Variants in FSTL5 observed in about 807,000 individuals in gnomAD.
The protein encoded by FSTL5 is follistatin like 5.
FSTL5 carries 62 observed loss-of-function variants against 89.1 expected under a neutral mutation model. The ratio of observed to expected loss-of-function variants is 0.70; its 90% CI spans 0.57 to 0.86. The LOEUF (loss-of-function observed/expected upper bound fraction) is 0.86. Ranked by LOEUF, FSTL5 falls within the 40% of genes least tolerant of loss-of-function variation. The probability of loss-of-function intolerance (pLI) is 0.00; values close to 1 mark genes in which losing one functional copy is unlikely to be tolerated. For synonymous variants in FSTL5, 383 were observed against 346.2 expected (o/e 1.11, Z -1.18); for missense variants, 1,057 against 1,001.6 (o/e 1.06, Z -0.75).
chr4:161,492,451 A>G (rs1729914314), intron 12 of FSTL5, among the ~76,000 whole-genome samples: 1 of 152,180 alleles, frequency 6.6e-6, no homozygotes, highest in Non-Finnish European at 1.5e-5. Flanking sequence ...CTTTTAGTAT[A>G]ACTTTCTGTT....
At chr4:161,897,156 T>A (rs1190917540) in intron 4 of FSTL5, among the ~76,000 whole-genome samples, 1 of 151,680 alleles carries the variant, frequency 6.6e-6, no homozygotes, top group Non-Finnish European at 1.5e-5. Context: ...ATATTCAAAA[T>A]TAAACTAGAT....
chr4:161,745,661 A>G (rs993903287), intron 6 of FSTL5, among the ~76,000 whole-genome samples: 1 of 152,002 alleles, frequency 6.6e-6, no homozygotes, highest in African/African-American at 2.4e-5. Context: ...GTGTCAAACT[A>G]TAAGTAAAAA....
intron 5 of FSTL5, among the ~76,000 whole-genome samples, chr4:161,775,464 T>C (rs1025559489): frequency 1.3e-5 from 2 of 152,186 alleles, no homozygotes; most frequent in Admixed American, 6.5e-5. Context: ...AAATCATTTA[T>C]ATACACTTTG....
At position 161,524,957 on chromosome 4, in the gene FSTL5, C is replaced by CA. The variant is rs1189535742; in HGVS notation, c.1312+13208dup. On this transcript the variant is annotated intron_variant, in intron 10 of 15. Transcript: ENST00000306100. ...TGGGCAACAGAGCAAGACTCCATCT[C>CA]AAAAAAAAAAAAAAAGTTTCCTGGA... Among the ~76,000 whole-genome samples the CA allele has an allele frequency of 9.6e-3, 1,120 of 116,432 alleles. 6 individuals carry two copies. The highest frequency in any genetic ancestry group is 0.014 in the Middle Eastern group (3 of 208). The allele number at this position is 116,432 out of a possible 152,430, so 76.4% of individuals were successfully genotyped here. A position where few individuals can be genotyped will look rare whatever the true frequency, so the allele number is the denominator to read the frequency against.
At chr4:161,770,184 T>C (rs778599521) in intron 5 of FSTL5, among the ~76,000 whole-genome samples, 14 of 152,000 alleles carry the variant, frequency 9.2e-5, no homozygotes, top group Non-Finnish European at 2.1e-4. Context: ...CTTACAGCGA[T>C]AGAGCATAGA....
intron 15 of FSTL5, among the ~76,000 whole-genome samples, chr4:161,406,337 T>G (rs901720119): frequency 6.6e-6 from 1 of 152,184 alleles, no homozygotes; most frequent in Non-Finnish European, 1.5e-5. Context: ...TTTCCTTCTT[T>G]TAGTGATTTC....
At chr4:161,743,731 A>C (rs1263487356) in intron 6 of FSTL5, among the ~76,000 whole-genome samples, 2 of 152,160 alleles carry the variant, frequency 1.3e-5, no homozygotes, top group Non-Finnish European at 2.9e-5. Flanking sequence ...ACAAATAAAA[A>C]ATTGGCATAG....
intron 7 of FSTL5, among the ~76,000 whole-genome samples, chr4:161,646,484 T>G (rs181482482): frequency 6.6e-6 from 1 of 152,036 alleles, no homozygotes; most frequent in East Asian, 1.9e-4. Context: ...TTTTATAAGA[T>G]ATAATATTCT....
At chr4:161,851,892 T>C (rs1281466145) in intron 4 of FSTL5, among the ~76,000 whole-genome samples, 2 of 149,794 alleles carry the variant, frequency 1.3e-5, no homozygotes, top group African/African-American at 2.4e-5. Context: ...ATCTCATCCC[T>C]ACACACACAC....
At chr4:161,546,291 A>ATT (rs953504532) in intron 8 of FSTL5, among the ~76,000 whole-genome samples, 1 of 133,268 alleles carries the variant, frequency 7.5e-6, no homozygotes, top group Admixed American at 8.1e-5. Flanking sequence ...ATATATACAT[A>ATT]TTATATATAT....
intron 4 of FSTL5, among the ~76,000 whole-genome samples, chr4:161,826,569 A>G (rs1158871009): frequency 1.3e-5 from 2 of 152,086 alleles, no homozygotes; most frequent in South Asian, 2.1e-4. Context: ...GGGAGTTCCA[A>G]TGTTTAGGTG....
chr4:161,721,846 C>A (rs6536610), intron 6 of FSTL5, among the ~76,000 whole-genome samples: 1 of 152,116 alleles, frequency 6.6e-6, no homozygotes, highest in Admixed American at 6.5e-5. Flanking sequence ...AAAGATTATA[C>A]AAGAAATTAG....
chr4:161,728,577 C>CAT (rs1471491827), intron 6 of FSTL5, among the ~76,000 whole-genome samples: 1 of 151,884 alleles, frequency 6.6e-6, no homozygotes, highest in African/African-American at 2.4e-5. Flanking sequence ...TTCATCTAAT[C>CAT]ATATATATAC....
intron 6 of FSTL5, among the ~76,000 whole-genome samples, chr4:161,711,571 C>G (rs1468685182): frequency 6.6e-6 from 1 of 151,880 alleles, no homozygotes; most frequent in African/African-American, 2.4e-5. Context: ...AAATTTCTAC[C>G]AAACATTTTT....
At chr4:161,592,259 C>A (rs926180371) in intron 7 of FSTL5, among the ~76,000 whole-genome samples, 10 of 151,920 alleles carry the variant, frequency 6.6e-5, no homozygotes, top group Non-Finnish European at 1.3e-4. Context: ...ACAGAAAATT[C>A]TTTTTATTAC....
chr4:161,566,584 G>A (rs1261910067), intron 8 of FSTL5, among the ~76,000 whole-genome samples: 1 of 152,048 alleles, frequency 6.6e-6, no homozygotes, highest in Non-Finnish European at 1.5e-5. Context: ...CAGTTCGTAA[G>A]TATTCCTGTC....
chr4:161,720,616 T>C (rs1248866310), intron 6 of FSTL5, among the ~76,000 whole-genome samples: 1 of 152,170 alleles, frequency 6.6e-6, no homozygotes, highest in Non-Finnish European at 1.5e-5. Context: ...AACATTAATG[T>C]CCATCATTTA....
intron 6 of FSTL5, among the ~76,000 whole-genome samples, chr4:161,699,725 G>A (rs1403906948): frequency 6.6e-6 from 1 of 152,104 alleles, no homozygotes; most frequent in Non-Finnish European, 1.5e-5. Context: ...CCCAGACTAC[G>A]TATCCTGAGA....
chr4:161,790,738 A>T (rs11100389), intron 4 of FSTL5, among the ~76,000 whole-genome samples: 111,586 of 152,150 alleles, frequency 0.73, 40,985 homozygotes, highest in Non-Finnish European at 0.76. Flanking sequence ...AGTAAACCAG[A>T]GACACAGTTT....
Sources: allele counts gnomAD v4.1 joint callset (sites outside exome capture counted in the v4.1 genomes callset), GRCh38; gene constraint gnomAD v4.1.1; transcripts MANE v1.5; gene names NCBI Gene and HGNC (gene_info 2026-07-23, HGNC 2026-07-21).